Variants in PARD3 observed in about 807,000 individuals in gnomAD.
PARD3 encodes the protein partitioning defective 3 homolog.
A neutral mutation model predicts 155.4 loss-of-function variants in PARD3; 75 were observed. That is an observed-to-expected ratio of 0.48 (90% CI 0.40 to 0.58). PARD3 has a LOEUF of 0.58. PARD3 is among the 20% of genes least tolerant of loss of function. The pLI is 0.00. For synonymous variants in PARD3, 576 were observed against 610.5 expected, an observed-to-expected ratio of 0.94 and a Z score of 0.83; for missense variants, 1,642 against 1,721.7, an observed-to-expected ratio of 0.95 and a Z score of 0.82.
At chr10:34,418,348 T>C (rs897521670) in intron 5 of PARD3, among the ~76,000 whole-genome samples, 3 of 152,054 alleles carry the variant, frequency 2.0e-5, no homozygotes, top group Non-Finnish European at 4.4e-5. Context: ...CTAATTCTTA[T>C]ATTTTTCTAG....
intron 2 of PARD3, among the ~76,000 whole-genome samples, chr10:34,523,083 T>C (rs567400069): frequency 1.1e-4 from 17 of 152,308 alleles, no homozygotes; most frequent in African/African-American, 4.1e-4. Context: ...TTTCTGAACA[T>C]ATCTGAGGGT....
chr10:34,195,672 A>G (rs1465910795), intron 22 of PARD3, among the ~76,000 whole-genome samples: 1 of 152,224 alleles, frequency 6.6e-6, no homozygotes, highest in Non-Finnish European at 1.5e-5. Flanking sequence ...GAGAAGAATG[A>G]GAAGGGACAG....
At chr10:34,475,496 C>G (rs1477090608) in intron 3 of PARD3, among the ~76,000 whole-genome samples, 1 of 152,152 alleles carries the variant, frequency 6.6e-6, no homozygotes, top group African/African-American at 2.4e-5. Flanking sequence ...GTGGTGGTTT[C>G]TCAAAGGTCA....
intron 20 of PARD3, among the ~76,000 whole-genome samples, chr10:34,291,453 T>G (rs917671868): frequency 6.6e-6 from 1 of 152,226 alleles, no homozygotes; most frequent in Non-Finnish European, 1.5e-5. Context: ...TGAATGTTCT[T>G]TTGATTATTT....
intron 22 of PARD3, among the ~76,000 whole-genome samples, chr10:34,157,437 T>A (rs1025581392): frequency 3.9e-5 from 6 of 152,176 alleles, no homozygotes; most frequent in Non-Finnish European, 8.8e-5. Flanking sequence ...AAGCGCCCCA[T>A]GAACTCAAAT....
At chr10:34,373,256 G>A (rs929308533) in intron 11 of PARD3, among the ~76,000 whole-genome samples, 3 of 151,396 alleles carry the variant, frequency 2.0e-5, no homozygotes, top group African/African-American at 7.3e-5. Context: ...GCCTACTGGC[G>A]TACTCCTTAA....
At chr10:34,211,512 T>C (rs1489410253) in intron 22 of PARD3, among the ~76,000 whole-genome samples, 8 of 152,232 alleles carry the variant, frequency 5.3e-5, no homozygotes, top group Non-Finnish European at 1.0e-4. Context: ...CCGGGAGTGA[T>C]GTTTCACGCC....
chr10:34,499,900 C>T (rs1387077925), intron 3 of PARD3, among the ~76,000 whole-genome samples: 2 of 152,168 alleles, frequency 1.3e-5, no homozygotes, highest in Non-Finnish European at 2.9e-5. Flanking sequence ...ATCCAGGACA[C>T]ATTAAATCAT....
intron 18 of PARD3, among the ~76,000 whole-genome samples, chr10:34,334,363 A>C (rs1835932102): frequency 6.6e-6 from 1 of 150,916 alleles, no homozygotes; most frequent in Admixed American, 6.6e-5. Flanking sequence ...AAAAAAAAAA[A>C]AGAAAGGAAA....
chr10:34,446,948 T>C (rs577011116), intron 5 of PARD3, among the ~76,000 whole-genome samples: 13 of 152,340 alleles, frequency 8.5e-5, no homozygotes, highest in African/African-American at 2.9e-4. Flanking sequence ...TATTCCAGCA[T>C]TTAGTCAACA....
At chr10:34,537,136 T>G (rs1277019916) in intron 2 of PARD3, among the ~76,000 whole-genome samples, 2 of 152,140 alleles carry the variant, frequency 1.3e-5, no homozygotes, top group African/African-American at 2.4e-5. Context: ...CAGAGTAGCT[T>G]TGACTACAGG....
chr10:34,255,895 T>C (rs1954629113), intron 22 of PARD3, among the ~76,000 whole-genome samples: 1 of 152,166 alleles, frequency 6.6e-6, no homozygotes, highest in Non-Finnish European at 1.5e-5. Flanking sequence ...TATACATTTG[T>C]AGTATAAATA....
At chr10:34,354,562 C>T (rs894621465) in intron 14 of PARD3, among the ~76,000 whole-genome samples, 25 of 152,072 alleles carry the variant, frequency 1.6e-4, no homozygotes, top group African/African-American at 6.0e-4. Flanking sequence ...GATAGTGTGA[C>T]AGCTGCTGGG....
chr10:34,684,558 C>A (rs911329846), intron 2 of PARD3, among the ~76,000 whole-genome samples: 3 of 152,060 alleles, frequency 2.0e-5, no homozygotes, highest in African/African-American at 7.2e-5. Context: ...CAATCGCCAT[C>A]AATTTCAACC....
intron 2 of PARD3, 57 bp from the exon 3 acceptor site, chr10:34,517,216 A>T: frequency 6.6e-7 from 1 of 1,506,728 alleles, no homozygotes; most frequent in Non-Finnish European, 9.1e-7. Flanking sequence ...TAACTACCAA[A>T]ATTTTGTACT....
chr10:34,484,132 T>G (rs1016055878), intron 3 of PARD3, among the ~76,000 whole-genome samples: 2 of 152,194 alleles, frequency 1.3e-5, no homozygotes, highest in African/African-American at 4.8e-5. Context: ...AAAGGACACT[T>G]TTTTAAAATA....
rs188425083 is a variant in PARD3 at position 34,557,695 on chromosome 10, C to T, written c.223-40536G>A. 6.4e-3 allele frequency among the ~76,000 whole-genome samples: 971 copies of T among 151,998 alleles called. 11 individuals carry two copies. The highest frequency in any genetic ancestry group is 0.022 in the African/African-American group (930 of 41,480). On this transcript the variant is annotated intron_variant, in intron 2 of 24. Transcript: ENST00000374788. ...CTGGTCTCAAACTCCTGACTTCAAG[C>T]GATCCACCTGCCTTAGCCTCCCAAA... is the stretch of plus-strand genomic sequence containing the variant.
chr10:34,599,428 A>C (rs754746872), intron 2 of PARD3, among the ~76,000 whole-genome samples: 1 of 152,202 alleles, frequency 6.6e-6, no homozygotes, highest in African/African-American at 2.4e-5. Flanking sequence ...CACTCATTGG[A>C]AGATTATGAC....
intron 2 of PARD3, among the ~76,000 whole-genome samples, chr10:34,638,480 C>T (rs985697151): frequency 6.6e-6 from 1 of 152,172 alleles, no homozygotes; most frequent in African/African-American, 2.4e-5. Flanking sequence ...TGACACCTTA[C>T]AAATGCTATT....
Sources: allele counts gnomAD v4.1 joint callset (sites outside exome capture counted in the v4.1 genomes callset), GRCh38; gene constraint gnomAD v4.1.1; transcripts MANE v1.5; gene names NCBI Gene and HGNC (gene_info 2026-07-23, HGNC 2026-07-21).